Variants in ABCA1 observed in about 807,000 individuals in gnomAD.
The protein encoded by ABCA1 is ATP binding cassette subfamily A member 1.
Under a neutral mutation model 262.5 loss-of-function variants are expected in ABCA1, and 133 were observed. That is an observed-to-expected ratio of 0.51 (90% CI 0.44 to 0.59). ABCA1 has a LOEUF of 0.59. Among genes scored for constraint, ABCA1 ranks in the 20% least tolerant of loss-of-function variants. The pLI is 0.00. For missense variants in ABCA1, 2,452 were observed against 2,777.5 expected, an observed-to-expected ratio of 0.88 and a Z score of 2.63; for synonymous variants, 1,022 against 1,043.5, an observed-to-expected ratio of 0.98 and a Z score of 0.40.
chr9:104,914,113 G>A (rs1403053006), intron 1 of ABCA1, among the ~76,000 whole-genome samples: 1 of 151,220 alleles, frequency 6.6e-6, no homozygotes, highest in African/African-American at 2.4e-5. Flanking sequence ...ACAAGTTTTT[G>A]GCACCTGACT....
At position 104,815,015 on chromosome 9, in the gene ABCA1, T is replaced by A. The variant is rs930493618; in HGVS notation, c.3739-540A>T. On this transcript the variant is annotated intron_variant, in intron 25 of 49. Transcript: ENST00000374736. ...CAGTCTCATCAAAAATAAAAAAAAA[T>A]TTAAAAAAAGCTATGACAGACACTG... Among the ~76,000 whole-genome samples the A allele has an allele frequency of 7.8e-4, 119 of 151,678 alleles. 2 individuals carry two copies. The highest frequency in any genetic ancestry group is 1.2e-3 in the Admixed American group (19 of 15,212).
At position 104,783,936 on chromosome 9, in the gene ABCA1, GC is replaced by G. The variant is rs1665031778; in HGVS notation, c.*378del. 1 of 186,936 alleles carries G rather than the reference GC, an allele frequency of 5.3e-6. No homozygotes were observed. The highest frequency in any genetic ancestry group is 2.4e-5 in the African/African-American group (1 of 41,868). The allele number at this position is 186,936 out of a possible 1,614,324, so 11.6% of individuals were successfully genotyped here. A position where few individuals can be genotyped will look rare whatever the true frequency, so the allele number is the denominator to read the frequency against. ...TACCTTTTGATTTTGATCAATAATC[GC>G]TGGCCATGATTACTTGATGAATTAT... On this transcript the variant is annotated 3_prime_UTR_variant, in exon 50 of 50. Transcript: ENST00000374736.
intron 33 of ABCA1, among the ~76,000 whole-genome samples, chr9:104,803,067 T>C (rs1417096233): frequency 6.6e-6 from 1 of 152,186 alleles, no homozygotes; most frequent in Non-Finnish European, 1.5e-5. Context: ...CACTGAGCCA[T>C]GATGCTCTAG....
intron 7 of ABCA1, among the ~76,000 whole-genome samples, chr9:104,856,406 T>C (rs568345676): frequency 1.3e-5 from 2 of 152,174 alleles, no homozygotes; most frequent in South Asian, 4.2e-4. Context: ...CACCTGGTAG[T>C]AGCCACCTTA....
intron 43 of ABCA1, among the ~76,000 whole-genome samples, 171 bp downstream of exon 43, chr9:104,791,765 T>C (rs1466396240): frequency 1.3e-5 from 2 of 152,210 alleles, no homozygotes; most frequent in Admixed American, 6.5e-5. Flanking sequence ...TCTGAAATCA[T>C]TCTCTTGACA....
chr9:104,813,356 C>T (rs1831446687), intron 27 of ABCA1, among the ~76,000 whole-genome samples: 2 of 152,204 alleles, frequency 1.3e-5, no homozygotes, highest in African/African-American at 4.8e-5. Context: ...GATGTCTTAG[C>T]TCTCCTCTCC....
chr9:104,810,141 CAT>C (rs35876406), intron 29 of ABCA1, among the ~76,000 whole-genome samples: 5,656 of 126,686 alleles, frequency 0.045, 142 homozygotes, highest in African/African-American at 0.079. Flanking sequence ...ATTCACATTA[CAT>C]ATATATATAT....
chr9:104,827,155 C>T lies in ABCA1; in HGVS notation c.2130G>A (p.Leu710=). 1 of 1,614,126 alleles carries T rather than the reference C, an allele frequency of 6.2e-7. No individual in the cohort carries two copies. The highest frequency in any genetic ancestry group is 1.3e-5 in the African/African-American group (1 of 75,044). ...ACACCACGCTGGGATCACTGTAGGGCAGCAGGTTTCCTAACTGGGAAGGAA... is the reference window on the plus strand; with the variant it reads ...ACACCACGCTGGGATCACTGTAGGGTAGCAGGTTTCCTAACTGGGAAGGAA... The part of the protein sequence containing the change: ...LVVILKLGNL[L]PYSDPSVVFV... The change falls in exon 16 of 50, where the codon CTG becomes CTA. Residue 710 remains leucine (L), a synonymous_variant. Coordinates refer to ENST00000374736, the MANE Select transcript of ABCA1 (RefSeq NM_005502.4).
At chr9:104,800,028 A>G in intron 35 of ABCA1, 40 bp from the exon 36 acceptor site, 1 of 1,612,706 alleles carries the variant, frequency 6.2e-7, no homozygotes, top group South Asian at 1.1e-5. Flanking sequence ...ATGCCCCCAA[A>G]CCGGGCTCCT....
intron 5 of ABCA1, among the ~76,000 whole-genome samples, chr9:104,870,513 A>G (rs1837506972): frequency 6.6e-6 from 1 of 152,238 alleles, no homozygotes. Flanking sequence ...CACACCTGCT[A>G]TGATTTGAAC....
chr9:104,791,502 G>C (rs1003354303), intron 43 of ABCA1, among the ~76,000 whole-genome samples: 1 of 131,442 alleles, frequency 7.6e-6, no homozygotes, highest in Non-Finnish European at 1.5e-5. Flanking sequence ...AGCGCAATCT[G>C]GGCAACCTCC....
Position 104,788,017 on chromosome 9 carries a change from T to A in ABCA1, c.6107A>T (p.Lys2036Met), listed in dbSNP as rs1376773298. The A allele has an allele frequency of 2.5e-6, 4 of 1,614,192 alleles. No individual in the cohort carries two copies. The highest frequency in any genetic ancestry group is 3.4e-6 in the Non-Finnish European group (4 of 1,180,028). Residue 2036 changes from lysine (K) to methionine (M), a missense_variant, in exon 46 of 50, where the codon AAG (lysine) becomes ATG (methionine). By Grantham distance (95) the Lys-to-Met change is moderately conservative. This residue lies in a region of ABCA1 where 752 missense variants were observed against 944.5 expected (regional missense o/e 0.80). Coordinates refer to ENST00000374736, the MANE Select transcript of ABCA1 (RefSeq NM_005502.4). ...EWAIRKLGLVKYGEKYAGNYS... is the reference protein window; with the variant it reads ...EWAIRKLGLVMYGEKYAGNYS... ...GTTACCAGCATATTTTTCTCCATACTTCACGAGGCCCAGTTTCCGAATCGC... is the reference window on the plus strand; with the variant it reads ...GTTACCAGCATATTTTTCTCCATACATCACGAGGCCCAGTTTCCGAATCGC...
chr9:104,802,196 G>C (rs1430031442), intron 33 of ABCA1, 37 bp from the exon 34 acceptor site: 2 of 1,558,470 alleles, frequency 1.3e-6, no homozygotes. Context: ...CCAGACAGTG[G>C]GGTGCACAGT....
Position 104,781,435 on chromosome 9 carries a change from G to A in ABCA1, c.*2880C>T, listed in dbSNP as rs979001458. The A allele has an allele frequency of 1.3e-5, 2 of 152,548 alleles. No individual in the cohort carries two copies. The highest frequency in any genetic ancestry group is 4.8e-5 in the African/African-American group (2 of 41,422). The allele number at this position is 152,548 out of a possible 1,614,324, so 9.4% of individuals were successfully genotyped here. On this transcript the variant is annotated 3_prime_UTR_variant, in exon 50 of 50. Coordinates refer to ENST00000374736, the MANE Select transcript of ABCA1 (RefSeq NM_005502.4). ...GATAATAACAAGGGTACAAATTAAT[G>A]TCTCAATATCAAAGTGGTTCAGTAT... is the stretch of plus-strand genomic sequence containing the variant.
chr9:104,924,967 A>G lies in ABCA1; in HGVS notation c.-93+2968T>C, dbSNP rs553470493. On this transcript the variant is annotated intron_variant, in intron 1 of 49. Transcript: ENST00000374736. ...TTTCATTCATTTTTTTATGTTTACA[A>G]TGGGACTTCCTTGAGCAGAAGGAAC... is the stretch of plus-strand genomic sequence containing the variant. Among the ~76,000 whole-genome samples, 192 of 152,352 alleles carry G rather than the reference A, an allele frequency of 1.3e-3. 1 individual carries two copies. The highest frequency in any genetic ancestry group is 3.4e-3 in the Middle Eastern group (1 of 294).
chr9:104,906,751 A>T (rs1381057649), intron 1 of ABCA1, among the ~76,000 whole-genome samples: 2 of 87,206 alleles, frequency 2.3e-5, no homozygotes, highest in African/African-American at 1.2e-4. Flanking sequence ...AACCAAAATC[A>T]AAAAAAAAAA....
chr9:104,894,230 A>C (rs1840010604), intron 2 of ABCA1, among the ~76,000 whole-genome samples: 1 of 152,144 alleles, frequency 6.6e-6, no homozygotes, highest in African/African-American at 2.4e-5. Context: ...GACCCAATTA[A>C]TCAAGGCTTA....
chr9:104,842,977 G>C (rs926093590), intron 8 of ABCA1, among the ~76,000 whole-genome samples: 2 of 152,090 alleles, frequency 1.3e-5, no homozygotes, highest in Non-Finnish European at 2.9e-5. Flanking sequence ...GCATGCTCTA[G>C]CATCAATGTC....
chr9:104,867,729 C>T (rs1837221614), intron 5 of ABCA1, among the ~76,000 whole-genome samples: 1 of 152,154 alleles, frequency 6.6e-6, no homozygotes, highest in Non-Finnish European at 1.5e-5. Context: ...CAGGAATGAT[C>T]ATATCCACCA....
Sources: allele counts gnomAD v4.1 joint callset (sites outside exome capture counted in the v4.1 genomes callset), GRCh38; gene constraint gnomAD v4.1.1; regional missense constraint gnomAD v4.1.1; transcripts MANE v1.5; gene names NCBI Gene and HGNC (gene_info 2026-07-23, HGNC 2026-07-21).